PHF8: variants seen among roughly 807,000 people sequenced by gnomAD.
PHF8 encodes PHD finger protein 8, also known as histone lysine demethylase PHF8.
A neutral mutation model predicts 74.4 loss-of-function variants in PHF8; 9 were observed. The ratio of observed to expected loss-of-function variants is 0.12; its 90% CI spans 0.07 to 0.21. The LOEUF is 0.21. PHF8 is among the 10% of genes least tolerant of loss of function. The pLI, the probability that PHF8 is intolerant of heterozygous loss-of-function variation, is 1.00. For synonymous variants in PHF8, 311 were observed against 316.6 expected (o/e 0.98, Z 0.19); for missense variants, 478 against 816.6 (o/e 0.59, Z 5.05).
chrX:54,011,138 T>C lies in PHF8; in HGVS notation c.930A>G (p.Thr310=). The C allele has an allele frequency of 8.3e-7, 1 of 1,210,466 alleles. No homozygotes were observed. The highest frequency in any genetic ancestry group is 1.1e-6 in the Non-Finnish European group (1 of 894,453). Residue 310 remains threonine, a synonymous_variant, in exon 8 of 22, where the codon ACA becomes ACG. Transcript: ENST00000338154. ...CYKCSVKQGQ[T]LFIPTGWIHA... ...AGGGAAGACCTGTGGGAATGAAAAG[T>C]GTCTGTCCTTGCTTCACGGAACACT...
chrX:53,961,567 C>T (rs1557090862), intron 19 of PHF8, among the ~76,000 whole-genome samples: 2 of 111,637 alleles, frequency 1.8e-5, no homozygotes, highest in African/African-American at 6.5e-5. Context: ...GTTCTGCCCG[C>T]CTTGGCCTCC....
upstream of PHF8, among the ~76,000 whole-genome samples, chrX:54,045,952 T>G: frequency 2.8e-5 from 1 of 36,219 alleles, no homozygotes; most frequent in Non-Finnish European, 8.7e-5. Flanking sequence ...TAGGGTTTTT[T>G]TTTTTTTTTA....
At chrX:53,985,314 G>T in intron 17 of PHF8, 87 bp from the exon 18 acceptor site, 1 of 763,201 alleles carries the variant, frequency 1.3e-6, no homozygotes, top group Non-Finnish European at 2.0e-6. Flanking sequence ...GAGGAGGGAT[G>T]ATAGCTATGA....
chrX:53,991,001 G>A (rs782487892), intron 14 of PHF8, among the ~76,000 whole-genome samples: 16 of 111,276 alleles, frequency 1.4e-4, no homozygotes, highest in African/African-American at 3.6e-4. Flanking sequence ...TGTGGTTAAC[G>A]TTCTACGTAT....
upstream of PHF8, chrX:54,044,946 C>A (rs1557117126): frequency 1.2e-5 from 13 of 1,047,883 alleles, no homozygotes; most frequent in African/African-American, 1.9e-5. Context: ...GTTGGTTCTT[C>A]CCCCTGTGAA....
chrX:53,984,234 T>C (rs1284556168), intron 18 of PHF8, among the ~76,000 whole-genome samples: 2 of 111,024 alleles, frequency 1.8e-5, no homozygotes, highest in Non-Finnish European at 3.8e-5. Flanking sequence ...GGCGTGATAG[T>C]ACACGCCTGT....
intron 19 of PHF8, among the ~76,000 whole-genome samples, chrX:53,951,553 C>T (rs782688483): frequency 9.0e-6 from 1 of 110,675 alleles, no homozygotes; most frequent in Admixed American, 9.6e-5. Context: ...AGGGTTAACG[C>T]CATTCTCCTG....
At chrX:54,020,561 CA>C (rs1274276828) in intron 4 of PHF8, among the ~76,000 whole-genome samples, 1 of 110,289 alleles carries the variant, frequency 9.1e-6, no homozygotes, top group Non-Finnish European at 1.9e-5. Context: ...CCATTTGTGT[CA>C]AAAAAAGGAA....
At chrX:53,975,226 C>T (rs1255828710) in intron 18 of PHF8, among the ~76,000 whole-genome samples, 2 of 112,215 alleles carry the variant, frequency 1.8e-5, no homozygotes, top group African/African-American at 6.5e-5. Context: ...GGATTTGTTA[C>T]TCTTCAGCAT....
intron 20 of PHF8, among the ~76,000 whole-genome samples, chrX:53,941,577 T>C (rs1205069396): frequency 8.9e-6 from 1 of 111,944 alleles, no homozygotes; most frequent in Non-Finnish European, 1.9e-5. Flanking sequence ...TGTAAATCAC[T>C]TCACCTTCTG....
At chrX:53,994,776 C>T (rs2065721381) in intron 12 of PHF8, among the ~76,000 whole-genome samples, 1 of 112,242 alleles carries the variant, frequency 8.9e-6, no homozygotes, top group African/African-American at 3.2e-5. Flanking sequence ...AGAAGCACAA[C>T]TTCCCAGCTC....
chrX:54,046,174 T>C (rs1557117468), upstream of PHF8, among the ~76,000 whole-genome samples: 1 of 111,145 alleles, frequency 9.0e-6, no homozygotes, highest in East Asian at 2.8e-4. Context: ...CTCAAACTCC[T>C]GGTTTCAGAT....
intron 19 of PHF8, among the ~76,000 whole-genome samples, chrX:53,959,742 T>C (rs1382332335): frequency 9.4e-6 from 1 of 106,768 alleles, no homozygotes; most frequent in African/African-American, 3.4e-5. Flanking sequence ...TGCGCGCCTA[T>C]AGTCCCAGCT....
chrX:53,954,423 C>T (rs2064978951), intron 19 of PHF8, among the ~76,000 whole-genome samples: 4 of 101,043 alleles, frequency 4.0e-5, no homozygotes, highest in African/African-American at 1.5e-4. Flanking sequence ...TGACGTGAAC[C>T]CAGGAGGCGG....
intron 8 of PHF8, among the ~76,000 whole-genome samples, chrX:54,005,046 C>T (rs782504335): frequency 3.6e-5 from 4 of 111,249 alleles, no homozygotes; most frequent in African/African-American, 1.3e-4. Context: ...CCAATCTGAA[C>T]TTGAACAAAG....
intron 2 of PHF8, among the ~76,000 whole-genome samples, chrX:54,034,859 C>T (rs1420897427): frequency 5.1e-5 from 5 of 97,778 alleles, no homozygotes; most frequent in African/African-American, 1.6e-4. Context: ...ATCAGCCAGG[C>T]ATAGTGGTGC....
At chrX:54,010,085 G>T (rs1028649303) in intron 8 of PHF8, among the ~76,000 whole-genome samples, 8 of 109,514 alleles carry the variant, frequency 7.3e-5, no homozygotes, top group African/African-American at 2.3e-4. Flanking sequence ...AGACTGAGGC[G>T]GGTGGATCAC....
chrX:54,024,841 ATG>A (rs1203052209), intron 2 of PHF8, among the ~76,000 whole-genome samples: 2 of 111,549 alleles, frequency 1.8e-5, no homozygotes, highest in African/African-American at 6.5e-5. Context: ...TGTCTTTTAT[ATG>A]TCTTTTGGTT....
chrX:53,976,578 G>A (rs2065379630), intron 18 of PHF8, among the ~76,000 whole-genome samples: 1 of 108,801 alleles, frequency 9.2e-6, no homozygotes, highest in African/African-American at 3.4e-5. Context: ...GATCACTTGA[G>A]GTCAGGAGTT....
Sources: allele counts gnomAD v4.1 joint callset (sites outside exome capture counted in the v4.1 genomes callset), GRCh38; gene constraint gnomAD v4.1.1; transcripts MANE v1.5; gene names NCBI Gene and HGNC (gene_info 2026-07-23, HGNC 2026-07-21).